Variants in LTV1 observed in about 807,000 individuals in gnomAD.
LTV1 encodes protein LTV1 homolog.
LTV1 carries 39 observed loss-of-function variants against 59.9 expected under a neutral mutation model. The observed-to-expected ratio is 0.65, with a 90% CI of 0.50 to 0.85. The LOEUF is 0.85. LTV1 is among the 40% of genes least tolerant of loss of function. LTV1 has a pLI of 0.00. For missense variants in LTV1, 493 were observed against 549.1 expected, an observed-to-expected ratio of 0.90 and a Z score of 1.02; for synonymous variants, 171 against 189.5, an observed-to-expected ratio of 0.90 and a Z score of 0.80.
At position 143,850,182 on chromosome 6, in the gene LTV1, G is replaced by A. The variant is rs150712953; in HGVS notation, c.361G>A (p.Asp121Asn). 8.6e-5 allele frequency: 139 copies of A among 1,613,628 alleles called. No individual in the cohort carries two copies. The highest frequency in any genetic ancestry group is 1.1e-4 in the Non-Finnish European group (134 of 1,179,832). The change falls in exon 4 of 11, where the codon GAT (aspartate) becomes AAT (asparagine). Residue 121 changes from aspartate to asparagine, a missense_variant. By Grantham distance (23) the Asp-to-Asn change is conservative. Transcript: ENST00000367576. Reference protein sequence around the residue: ...SSVFASEFEEDVGLLNKAAPV... With the variant: ...SSVFASEFEENVGLLNKAAPV... ...AGTGTTTGCTTCAGAGTTTGAGGAAGATGTTGGATTGTTAAATAAAGCAGC... is the reference window on the plus strand; with the variant it reads ...AGTGTTTGCTTCAGAGTTTGAGGAAAATGTTGGATTGTTAAATAAAGCAGC...
At chr6:143,853,480 C>G (rs547713690) in intron 4 of LTV1, among the ~76,000 whole-genome samples, 1 of 152,276 alleles carries the variant, frequency 6.6e-6, no homozygotes, top group East Asian at 1.9e-4. Context: ...TGCCTGATTG[C>G]CCTGGCCAGA....
Position 143,863,618 on chromosome 6 carries a change from A to G in LTV1, c.*91A>G. The G allele has an allele frequency of 1.3e-6, 1 of 750,768 alleles. No homozygotes were observed. Among genetic ancestry groups the G allele is most frequent in the Non-Finnish European group, 2.2e-6 (1 of 463,284 alleles). The allele number at this position is 750,768 out of a possible 1,614,324, so 46.5% of individuals were successfully genotyped here. A position where few individuals can be genotyped will look rare whatever the true frequency, so the allele number is the denominator to read the frequency against. ...CTTCAGAAAGACAAAACTGTTTGCC[A>G]TTTTTACTGGCAGATAAGAGGAAAA... On this transcript the variant is annotated 3_prime_UTR_variant, in exon 11 of 11. Coordinates refer to ENST00000367576, the MANE Select transcript of LTV1 (RefSeq NM_032860.5). This position sits in a 1 kb window ranked among gnomAD's most constrained non-coding sequence, Gnocchi z 4.5.
chr6:143,857,881 CAG>C lies in LTV1; in HGVS notation c.672_673del (p.Arg224SerfsTer10). Reference protein sequence around the residue: ...DCMSVPGKTHRAIADHLFWSE... With the variant: ...DCMSVPGKTHXAIADHLFWSE... Reference sequence around the variant, plus strand: ...GTATGTCTGTGCCCGGAAAAACTCACAGAGCTATAGCAGATCACTTGTTCTGG... The same window carrying C: ...GTATGTCTGTGCCCGGAAAAACTCACAGCTATAGCAGATCACTTGTTCTGG... On this transcript the variant is annotated frameshift_variant, in exon 6 of 11. Coordinates refer to ENST00000367576, the MANE Select transcript of LTV1 (RefSeq NM_032860.5). LOFTEE classifies it high-confidence loss of function. This position sits in a 1 kb window ranked among gnomAD's most constrained non-coding sequence, Gnocchi z 5.2. The C allele has an allele frequency of 6.2e-7, 1 of 1,614,102 alleles. No individual in the cohort carries two copies. Among genetic ancestry groups the C allele is most frequent in the Non-Finnish European group, 8.5e-7 (1 of 1,180,030 alleles).
chr6:143,852,889 T>C (rs1777008544), intron 4 of LTV1, among the ~76,000 whole-genome samples: 1 of 152,126 alleles, frequency 6.6e-6, no homozygotes, highest in African/African-American at 2.4e-5. Flanking sequence ...AGATGTGTGG[T>C]GTTATTTCTG....
At chr6:143,856,105 C>T (rs1216213535) in intron 4 of LTV1, among the ~76,000 whole-genome samples, 2 of 152,152 alleles carry the variant, frequency 1.3e-5, no homozygotes, top group Admixed American at 1.3e-4. Context: ...CACATAGTCC[C>T]ATATTTGTTG....
intron 6 of LTV1, 181 bp downstream of exon 6, chr6:143,858,188 T>G: frequency 3.2e-6 from 2 of 633,412 alleles, no homozygotes; most frequent in South Asian, 3.7e-5. Context: ...ATCAGTGCAG[T>G]ACAGGAGCAC....
intron 4 of LTV1, among the ~76,000 whole-genome samples, chr6:143,856,766 G>A (rs549247786): frequency 6.6e-6 from 1 of 152,348 alleles, no homozygotes; most frequent in South Asian, 2.1e-4. Flanking sequence ...AGCAGAGGCT[G>A]CAGAACAGCA....
In LTV1 at chr6:143,849,142, A is replaced by G. The variant is rs374768065; in HGVS notation, c.310-989A>G. 1.4e-3 allele frequency among the ~76,000 whole-genome samples: 208 copies of G among 152,334 alleles called. 13 individuals carry two copies. In the South Asian group the frequency reaches 0.04, roughly 30 times the overall value. On this transcript the variant is annotated intron_variant, in intron 3 of 10. Transcript: ENST00000367576. ...CATGGGTATGAAGGTTGTAGTAGATATAGACTAGCTATATGAGCGGTTGCA... is the reference window on the plus strand; with the variant it reads ...CATGGGTATGAAGGTTGTAGTAGATGTAGACTAGCTATATGAGCGGTTGCA...
intron 3 of LTV1, among the ~76,000 whole-genome samples, chr6:143,846,779 C>CT (rs937922511): frequency 1.3e-5 from 2 of 152,148 alleles, no homozygotes; most frequent in African/African-American, 4.8e-5. Context: ...GTTTTCTCCC[C>CT]TGTTTATGTT....
chr6:143,857,646 G>A lies in LTV1; in HGVS notation c.540-106G>A. The A allele has an allele frequency of 7.6e-7, 1 of 1,316,738 alleles. No individual in the cohort carries two copies. Among genetic ancestry groups the A allele is most frequent in the Non-Finnish European group, 1.1e-6 (1 of 932,628 alleles). The allele number at this position is 1,316,738 out of a possible 1,614,324, so 81.6% of individuals were successfully genotyped here. ...CAAACACCCTCACTCTTCCTGCCTA[G>A]ACAAGAACCCTTCCTGAAATACCTT... On this transcript the variant is annotated intron_variant, in intron 5 of 10. Coordinates refer to ENST00000367576, the MANE Select transcript of LTV1 (RefSeq NM_032860.5). This position sits in a 1 kb window ranked among gnomAD's most constrained non-coding sequence, Gnocchi z 5.2.
In LTV1 at chr6:143,855,889, T is replaced by C. The variant is rs1453111103; in HGVS notation, c.398-1414T>C. On this transcript the variant is annotated intron_variant, in intron 4 of 10. Transcript: ENST00000367576. The surrounding 1 kb of genome is among the most constrained non-coding windows in gnomAD (Gnocchi z 4.6). ...CTGCCCTTAACATTTTTTTCTTCAT[T>C]TCAACCTTCGTGAATCTGACGATTA... Among the ~76,000 whole-genome samples, 4 of 152,126 alleles carry C rather than the reference T, an allele frequency of 2.6e-5. No individual in the cohort carries two copies. Among genetic ancestry groups the C allele is most frequent in the Non-Finnish European group, 5.9e-5 (4 of 68,022 alleles).
At chr6:143,849,502 C>G (rs1237788647) in intron 3 of LTV1, among the ~76,000 whole-genome samples, 1 of 152,150 alleles carries the variant, frequency 6.6e-6, no homozygotes, top group Non-Finnish European at 1.5e-5. Context: ...TTTGGTAAAA[C>G]ATGGTGATAC....
At chr6:143,843,712 T>A (rs1776840942) in intron 1 of LTV1, among the ~76,000 whole-genome samples, 1 of 152,128 alleles carries the variant, frequency 6.6e-6, no homozygotes, top group Admixed American at 6.5e-5. Context: ...ATGGCCTTTT[T>A]GTTTTATCCC....
intron 2 of LTV1, 32 bp from the exon 3 acceptor site, chr6:143,846,019 T>G: frequency 5.0e-6 from 8 of 1,603,676 alleles, no homozygotes; most frequent in Non-Finnish European, 6.8e-6. Context: ...TTATAGATAG[T>G]GAAGAAAGTA....
At chr6:143,854,776 T>C (rs760684115) in intron 4 of LTV1, among the ~76,000 whole-genome samples, 6 of 152,238 alleles carry the variant, frequency 3.9e-5, no homozygotes, top group Admixed American at 1.3e-4. Context: ...TTCTTAAACC[T>C]GAGTTCTAAT....
intron 3 of LTV1, among the ~76,000 whole-genome samples, 169 bp downstream of exon 3, chr6:143,846,393 T>C (rs1022482951): frequency 6.6e-6 from 1 of 152,188 alleles, no homozygotes; most frequent in South Asian, 2.1e-4. Context: ...CAGGAGAGAA[T>C]AGGTCACGTC....
chr6:143,853,865 G>T (rs1262878773), intron 4 of LTV1, among the ~76,000 whole-genome samples: 1 of 152,158 alleles, frequency 6.6e-6, no homozygotes, highest in Non-Finnish European at 1.5e-5. Context: ...GTTTTTTATT[G>T]ACGATTTTCG....
chr6:143,860,018 G>T (rs1437081358), intron 6 of LTV1, among the ~76,000 whole-genome samples: 1 of 152,104 alleles, frequency 6.6e-6, no homozygotes, highest in Admixed American at 6.6e-5. Context: ...TGGGAAGATT[G>T]CTTGAGCCTG....
At chr6:143,846,537 CTG>C (rs1261357305) in intron 3 of LTV1, among the ~76,000 whole-genome samples, 1 of 152,208 alleles carries the variant, frequency 6.6e-6, no homozygotes, top group East Asian at 1.9e-4. Context: ...AACAACATAA[CTG>C]TTTTCAGGAT....
Sources: gnomAD v4.1 joint callset for allele counts (sites outside exome capture counted in the v4.1 genomes callset) on GRCh38, gnomAD v4.1.1 for gene constraint, Gnocchi (gnomAD v3.1) non-coding constraint, MANE v1.5 for transcripts, NCBI Gene and HGNC (gene_info 2026-07-23, HGNC 2026-07-21) for gene names.